Variants in SLC30A8 observed in about 807,000 individuals in gnomAD.
SLC30A8 encodes the protein proton-coupled zinc antiporter SLC30A8.
Under a neutral mutation model 36.9 loss-of-function variants are expected in SLC30A8, and 27 were observed. The ratio of observed to expected loss-of-function variants is 0.73; its 90% CI spans 0.54 to 1.01. SLC30A8 has a LOEUF of 1.01. SLC30A8 is among the 50% of genes least tolerant of loss of function. SLC30A8 has a pLI of 0.00. For missense variants in SLC30A8, 439 were observed against 452.0 expected (o/e 0.97, Z 0.26); for synonymous variants, 164 against 172.4 (o/e 0.95, Z 0.38).
At chr8:117,097,515 AAAT>A (rs1231926527) in intron 2 of SLC30A8, among the ~76,000 whole-genome samples, 1 of 117,488 alleles carries the variant, frequency 8.5e-6, no homozygotes, top group African/African-American at 3.3e-5. Context: ...ATATAATTTT[AAAT>A]AATATATATT....
At chr8:117,056,855 G>A (rs760041525) in intron 2 of SLC30A8, among the ~76,000 whole-genome samples, 5 of 152,114 alleles carry the variant, frequency 3.3e-5, no homozygotes, top group African/African-American at 4.8e-5. Flanking sequence ...AATATAGGGA[G>A]GCATTGCTGT....
Position 117,163,425 on chromosome 8 carries a change from C to A in SLC30A8, c.724C>A (p.Pro242Thr). 1.2e-6 allele frequency: 2 copies of A among 1,606,500 alleles called. No individual in the cohort carries two copies. Among genetic ancestry groups the A allele is most frequent in the Non-Finnish European group, 8.5e-7 (1 of 1,176,950 alleles). The change falls in exon 6 of 8, where the codon CCA (proline) becomes ACA (threonine). Residue 242 changes from proline (P) to threonine (T), a missense_variant and splice_region_variant. Coordinates refer to ENST00000456015, the MANE Select transcript of SLC30A8 (RefSeq NM_173851.3). The part of the protein sequence containing the change: ...LISALIIYFK[P>T]EYKIADPICT... Reference sequence around the variant, plus strand: ...CCAAAATCCCTGTTTTTTTTTCTAGCCAGAGTATAAAATAGCCGACCCAAT... The same window carrying A: ...CCAAAATCCCTGTTTTTTTTTCTAGACAGAGTATAAAATAGCCGACCCAAT...
At chr8:116,958,902 T>C (rs1814315430) in intron 1 of SLC30A8, among the ~76,000 whole-genome samples, 3 of 128,792 alleles carry the variant, frequency 2.3e-5, no homozygotes, top group South Asian at 5.2e-4. Flanking sequence ...CATGCTGGAG[T>C]GCAGTGGTGC....
chr8:117,058,393 C>A (rs1817931746), intron 2 of SLC30A8, among the ~76,000 whole-genome samples: 1 of 151,658 alleles, frequency 6.6e-6, no homozygotes, highest in South Asian at 2.1e-4. Flanking sequence ...TAATGTAGTC[C>A]CACTTGTCTG....
At chr8:117,056,498 G>A (rs1047050979) in intron 2 of SLC30A8, among the ~76,000 whole-genome samples, 2 of 151,996 alleles carry the variant, frequency 1.3e-5, no homozygotes, top group African/African-American at 2.4e-5. Context: ...AGGCTGGGTA[G>A]GTCCCAGGAT....
At chr8:116,952,266 G>C (rs950188072) in intron 1 of SLC30A8, among the ~76,000 whole-genome samples, 1 of 152,118 alleles carries the variant, frequency 6.6e-6, no homozygotes, top group Non-Finnish European at 1.5e-5. Context: ...GCCATGCTTT[G>C]GGGTTCAGAC....
At chr8:117,082,898 G>C (rs1203848729) in intron 2 of SLC30A8, among the ~76,000 whole-genome samples, 4 of 152,150 alleles carry the variant, frequency 2.6e-5, no homozygotes, top group African/African-American at 9.7e-5. Flanking sequence ...GGAAGGAAAG[G>C]AGGCTAAGCA....
intron 2 of SLC30A8, among the ~76,000 whole-genome samples, chr8:117,054,752 T>C (rs934063228): frequency 3.3e-5 from 5 of 151,842 alleles, no homozygotes; most frequent in African/African-American, 1.2e-4. Flanking sequence ...ATAAGGAAAA[T>C]AAAGTTTTCC....
chr8:117,050,408 CTTTT>C (rs35839871), intron 2 of SLC30A8, among the ~76,000 whole-genome samples: 3 of 143,896 alleles, frequency 2.1e-5, no homozygotes, highest in Non-Finnish European at 1.5e-5. Flanking sequence ...TGATTTCTTT[CTTTT>C]TTTTTTTTTT....
intron 1 of SLC30A8, among the ~76,000 whole-genome samples, chr8:116,963,226 G>C (rs924226015): frequency 2.0e-5 from 3 of 152,066 alleles, no homozygotes; most frequent in African/African-American, 7.2e-5. Flanking sequence ...CTTAGATTTT[G>C]AGCAGGACTA....
intron 2 of SLC30A8, among the ~76,000 whole-genome samples, chr8:117,059,621 T>C (rs1311536456): frequency 6.6e-6 from 1 of 152,216 alleles, no homozygotes; most frequent in African/African-American, 2.4e-5. Context: ...GTTCTGGACC[T>C]GACCTTTCTT....
intron 1 of SLC30A8, among the ~76,000 whole-genome samples, chr8:117,026,245 A>G (rs926090407): frequency 6.6e-6 from 1 of 152,212 alleles, no homozygotes; most frequent in South Asian, 2.1e-4. Flanking sequence ...TAATCATTGC[A>G]TGTAATAACA....
chr8:117,169,575 A>G (rs1159993295), intron 6 of SLC30A8, among the ~76,000 whole-genome samples: 1 of 152,140 alleles, frequency 6.6e-6, no homozygotes, highest in African/African-American at 2.4e-5. Context: ...TCACATTGCT[A>G]TAAAGAAATA....
At chr8:117,102,946 A>G (rs554864126) in intron 2 of SLC30A8, among the ~76,000 whole-genome samples, 56 of 152,232 alleles carry the variant, frequency 3.7e-4, no homozygotes, top group African/African-American at 1.3e-3. Context: ...CTGGGTCCCA[A>G]AAGTTCATGT....
At chr8:117,066,797 C>G (rs552253592) in intron 2 of SLC30A8, among the ~76,000 whole-genome samples, 171 of 152,028 alleles carry the variant, frequency 1.1e-3, no homozygotes, top group Admixed American at 2.8e-3. Context: ...TCTCCTGAAG[C>G]CTGAAAGTGA....
chr8:117,109,434 G>C (rs1586531980), intron 2 of SLC30A8, among the ~76,000 whole-genome samples: 1 of 152,122 alleles, frequency 6.6e-6, no homozygotes, highest in African/African-American at 2.4e-5. Flanking sequence ...TAGGAACAAA[G>C]TTCTTAACTT....
At chr8:117,172,043 C>T (rs1823410565) in intron 7 of SLC30A8, among the ~76,000 whole-genome samples, 1 of 152,024 alleles carries the variant, frequency 6.6e-6, no homozygotes, top group African/African-American at 2.4e-5. Flanking sequence ...GACTTTACAG[C>T]CTGCTGATAG....
rs1818311102 is a variant in SLC30A8, at chr8:117,070,938, T to A, written c.-226+31680T>A. On this transcript the variant is annotated intron_variant, in intron 2 of 10. Coordinates refer to the SLC30A8 transcript ENST00000427715. ...ATATATATCACTTTTTCTTTATCAT[T>A]TCAGGTGTTGATGGACACTTAGGTT... is the stretch of plus-strand genomic sequence containing the variant. Among the ~76,000 whole-genome samples, 3 of 152,190 alleles carry A rather than the reference T, an allele frequency of 2.0e-5. No individual in the cohort carries two copies. The South Asian group carries it at 6.2e-4, about 32-fold the overall frequency.
intron 3 of SLC30A8, among the ~76,000 whole-genome samples, chr8:117,153,799 G>T (rs900725162): frequency 4.0e-5 from 6 of 151,782 alleles, no homozygotes; most frequent in Non-Finnish European, 8.8e-5. Context: ...CAGGAGGAAA[G>T]CAAACACGTG....
Sources: gnomAD v4.1 joint callset for allele counts (sites outside exome capture counted in the v4.1 genomes callset) on GRCh38, gnomAD v4.1.1 for gene constraint, MANE v1.5 for transcripts, NCBI Gene and HGNC (gene_info 2026-07-23, HGNC 2026-07-21) for gene names.